The following ALK variants were observed in gnomAD, a reference collection of about 807,000 sequenced individuals.
ALK encodes ALK receptor tyrosine kinase, also known as ALK tyrosine kinase receptor.
Under a neutral mutation model 163.1 loss-of-function variants are expected in ALK, and 74 were observed. That is an observed-to-expected ratio of 0.45 (90% CI 0.38 to 0.55). The LOEUF is 0.55. Ranked by LOEUF, ALK falls within the 20% of genes least tolerant of loss-of-function variation. The pLI is 0.00. For synonymous variants in ALK, 960 were observed against 843.2 expected (o/e 1.14, Z -2.40); for missense variants, 2,063 against 2,105.3 (o/e 0.98, Z 0.39).
At chr2:29,628,295 A>G (rs1676255395) in intron 3 of ALK, among the ~76,000 whole-genome samples, 1 of 152,232 alleles carries the variant, frequency 6.6e-6, no homozygotes, top group African/African-American at 2.4e-5. Context: ...CAAAACCACA[A>G]GTAAAATTTA....
chr2:29,811,133 C>A (rs1364995763), intron 1 of ALK, among the ~76,000 whole-genome samples: 3 of 152,040 alleles, frequency 2.0e-5, no homozygotes, highest in African/African-American at 7.2e-5. Flanking sequence ...AAAAAGGTGT[C>A]AAGTGTCACA....
chr2:29,633,336 C>T (rs1205084864), intron 3 of ALK, among the ~76,000 whole-genome samples: 1 of 152,070 alleles, frequency 6.6e-6, no homozygotes, highest in Non-Finnish European at 1.5e-5. Context: ...TCAGCTATTA[C>T]ACATAGATCC....
chr2:29,628,751 A>C (rs554193592), intron 3 of ALK, among the ~76,000 whole-genome samples: 9 of 152,336 alleles, frequency 5.9e-5, no homozygotes, highest in Admixed American at 3.9e-4. Flanking sequence ...GTGTGATCTC[A>C]AGCAATTCAA....
rs994208295 is a variant in ALK, at chr2:29,583,045, T to TTTTTTTG, written c.953-50930_953-50929insCAAAAAA. Among the ~76,000 whole-genome samples the TTTTTTTG allele has an allele frequency of 1.1e-3, 160 of 150,148 alleles. 1 individual carries two copies. Among genetic ancestry groups the TTTTTTTG allele is most frequent in the African/African-American group, 3.8e-3 (156 of 40,690 alleles). On this transcript the variant is annotated intron_variant, in intron 3 of 28. Coordinates refer to ENST00000389048, the MANE Select transcript of ALK (RefSeq NM_004304.5). ...GCCTGGCTAACTTTTGTTTTTTGTT[T>TTTTTTTG]TTTTGTTTTTTTTAGTAAAGATGGG...
At chr2:29,213,878 ACC>A in intron 24 of ALK, 104 bp downstream of exon 24, 4 of 942,230 alleles carry the variant, frequency 4.2e-6, no homozygotes, top group Non-Finnish European at 3.5e-6. Context: ...CTGGAGGGAG[ACC>A]TAGTATTCTG....
chr2:29,342,711 C>T (rs1389248148), intron 5 of ALK, among the ~76,000 whole-genome samples: 1 of 151,970 alleles, frequency 6.6e-6, no homozygotes, highest in African/African-American at 2.4e-5. Flanking sequence ...GTGGCTGAGG[C>T]CCCATGCAGA....
chr2:29,297,539 T>C (rs990331719), intron 8 of ALK, among the ~76,000 whole-genome samples: 3 of 152,230 alleles, frequency 2.0e-5, no homozygotes, highest in African/African-American at 4.8e-5. Flanking sequence ...ATAATCTCAT[T>C]TGAATGGTGT....
chr2:29,268,749 T>A (rs892694130), intron 11 of ALK, among the ~76,000 whole-genome samples: 1 of 152,204 alleles, frequency 6.6e-6, no homozygotes, highest in African/African-American at 2.4e-5. Flanking sequence ...CTAACAGGCA[T>A]GGGCTTAGAG....
Position 29,193,662 on chromosome 2 carries a change from G to A in ALK, c.4425C>T (p.His1475=), listed in dbSNP as rs139039449. 1.8e-4 allele frequency: 287 copies of A among 1,614,028 alleles called. No homozygotes were observed. The highest frequency in any genetic ancestry group is 2.3e-4 in the Non-Finnish European group (277 of 1,179,978). ...TGGACTGAGAGAATGCCATATTCAC[G>A]TGTCCCCCTTCCACGGCCGGCCCTC... ...VPRGPAVEGG[H]VNMAFSQSNP... Residue 1475 remains histidine (H), a synonymous_variant, in exon 29 of 29, where the codon CAC becomes CAT. Transcript: ENST00000389048.
chr2:29,773,143 G>T (rs1681071475), intron 1 of ALK, among the ~76,000 whole-genome samples: 1 of 152,114 alleles, frequency 6.6e-6, no homozygotes, highest in South Asian at 2.1e-4. Flanking sequence ...CATTCTGTGA[G>T]AATCCATTGG....
At chr2:29,749,093 C>T (rs570749525) in intron 1 of ALK, among the ~76,000 whole-genome samples, 11 of 152,254 alleles carry the variant, frequency 7.2e-5, no homozygotes, top group African/African-American at 1.4e-4. Context: ...CTGACATCCA[C>T]GCCTCCTGAC....
rs117120778 is a variant in ALK at position 29,639,123 on chromosome 2, T to G, written c.952+55727A>C. The stretch of plus-strand genomic sequence containing the variant: ...GTAGAAGACCTCATGCCAGCAGAAA[T>G]CTAGCTTTCACACAGAATTTCAGGA... On this transcript the variant is annotated intron_variant, in intron 3 of 28. Transcript: ENST00000389048. 1.8e-3 allele frequency among the ~76,000 whole-genome samples: 270 copies of G among 152,226 alleles called. 2 individuals are homozygous for G. The East Asian group carries it at 0.046, about 26-fold the overall frequency.
chr2:29,705,269 A>C (rs1232278640), intron 2 of ALK, among the ~76,000 whole-genome samples: 4,265 of 62,664 alleles, frequency 0.068, 412 homozygotes, highest in African/African-American at 0.32. Context: ...ATATATATAT[A>C]TATATATATA....
intron 11 of ALK, among the ~76,000 whole-genome samples, chr2:29,272,168 G>A (rs1665407503): frequency 7.3e-6 from 1 of 137,488 alleles, no homozygotes; most frequent in Non-Finnish European, 1.6e-5. Flanking sequence ...AGAGAGAGAA[G>A]GAGGGAGTCG....
chr2:29,642,650 C>G (rs996181146), intron 3 of ALK, among the ~76,000 whole-genome samples: 4 of 152,146 alleles, frequency 2.6e-5, no homozygotes, highest in Admixed American at 2.0e-4. Flanking sequence ...TCATCCTGAG[C>G]TGTGTTCTGC....
chr2:29,241,149 C>T lies in ALK; in HGVS notation c.2205-1319G>A, dbSNP rs965628309. The stretch of plus-strand genomic sequence containing the variant: ...ATGGGAGTTTATTGAATGTTGGGAG[C>T]GGTGTAAGGCGTTGTGAACCTGAGA... On this transcript the variant is annotated intron_variant, in intron 12 of 28. Transcript: ENST00000389048. Among the ~76,000 whole-genome samples the T allele has an allele frequency of 3.9e-5, 6 of 151,990 alleles. No homozygotes were observed. In the South Asian group the frequency reaches 8.3e-4, roughly 21 times the overall value.
intron 5 of ALK, among the ~76,000 whole-genome samples, chr2:29,357,734 C>T (rs1173401090): frequency 1.3e-5 from 2 of 152,190 alleles, no homozygotes; most frequent in Non-Finnish European, 2.9e-5. Context: ...GTCAATGCTC[C>T]CCCTGCAGAA....
chr2:29,435,863 T>A (rs550245820), intron 4 of ALK, among the ~76,000 whole-genome samples: 1 of 152,298 alleles, frequency 6.6e-6, no homozygotes, highest in South Asian at 2.1e-4. Context: ...TTTTTATTTT[T>A]CTGTATAAGA....
chr2:29,909,858 A>G (rs1029587484), intron 1 of ALK, among the ~76,000 whole-genome samples: 47 of 152,280 alleles, frequency 3.1e-4, no homozygotes, highest in African/African-American at 1.1e-3. Context: ...CTTGACAATA[A>G]TCCTTGAAAG....
Sources: allele counts gnomAD v4.1 joint callset (sites outside exome capture counted in the v4.1 genomes callset), GRCh38; gene constraint gnomAD v4.1.1; transcripts MANE v1.5; gene names NCBI Gene and HGNC (gene_info 2026-07-23, HGNC 2026-07-21).